PHF24: variants seen among roughly 807,000 people sequenced by gnomAD.
PHF24 encodes Galpha inhibitory interacting protein.
In PHF24, 25 loss-of-function variants were observed where a neutral mutation model predicts 42.6. That is an observed-to-expected ratio of 0.59 (90% CI 0.43 to 0.82). The LOEUF is 0.82. Ranked by LOEUF, PHF24 falls within the 40% of genes least tolerant of loss-of-function variation. The probability of loss-of-function intolerance (pLI) is 0.00; values close to 1 mark genes in which losing one functional copy is unlikely to be tolerated. For missense variants in PHF24, 470 were observed against 538.1 expected (o/e 0.87, Z 1.25); for synonymous variants, 185 against 204.8 (o/e 0.90, Z 0.83).
chr9:34,670,238 T>C, the PHF24 span, among the ~76,000 whole-genome samples: 34 of 152,366 alleles, frequency 2.2e-4, no homozygotes, highest in African/African-American at 8.2e-4. Context: ...TCCTGAGTTC[T>C]GTGAGTCACT....
chr9:34,685,565 C>T, the PHF24 span, among the ~76,000 whole-genome samples: 1 of 152,186 alleles, frequency 6.6e-6, no homozygotes, highest in Non-Finnish European at 1.5e-5. Context: ...ACTTCCCAGC[C>T]CCCAGCCCTC....
At chr9:34,853,630 CATCCCAGCT>C in the PHF24 span, among the ~76,000 whole-genome samples, 22 of 151,776 alleles carry the variant, frequency 1.4e-4, no homozygotes, top group African/African-American at 2.4e-4. Context: ...AGATCGAGAC[CATCCCAGCT>C]AAAACGGTGA....
the PHF24 span, among the ~76,000 whole-genome samples, chr9:34,903,995 T>C: frequency 1.3e-5 from 2 of 152,178 alleles, no homozygotes; most frequent in Admixed American, 6.6e-5. Flanking sequence ...TCACTGTTGG[T>C]GTATAGAAGC....
the PHF24 span, among the ~76,000 whole-genome samples, chr9:34,900,279 A>C: frequency 2.0e-5 from 3 of 152,138 alleles, no homozygotes; most frequent in African/African-American, 7.2e-5. Context: ...ACTCACCAAA[A>C]TTCCAAAGAC....
chr9:34,880,469 G>A, the PHF24 span, among the ~76,000 whole-genome samples: 1 of 152,084 alleles, frequency 6.6e-6, no homozygotes, highest in African/African-American at 2.4e-5. Flanking sequence ...CCCATCTCAT[G>A]TGCAGAGACA....
At chr9:34,754,135 C>A in the PHF24 span, among the ~76,000 whole-genome samples, 1 of 151,776 alleles carries the variant, frequency 6.6e-6, no homozygotes. Context: ...TACAGTCAAC[C>A]AAAGCAAAAA....
At chr9:34,955,815 G>A (rs530831868), upstream of PHF24, among the ~76,000 whole-genome samples, 5 of 152,102 alleles carry the variant, frequency 3.3e-5, no homozygotes, top group Non-Finnish European at 7.3e-5. Context: ...CTTATCTTGT[G>A]CATAATTCTG....
At chr9:34,743,987 A>T in the PHF24 span, among the ~76,000 whole-genome samples, 1,853 of 152,176 alleles carry the variant, frequency 0.012, 29 homozygotes, top group African/African-American at 0.042. Flanking sequence ...ACTTACTCTC[A>T]TGGTAACTAA....
chr9:34,748,370 G>T, the PHF24 span, among the ~76,000 whole-genome samples: 23 of 152,266 alleles, frequency 1.5e-4, no homozygotes, highest in African/African-American at 5.1e-4. Context: ...GATCATGGGG[G>T]CAGATTTCTC....
At chr9:34,903,301 A>G in the PHF24 span, among the ~76,000 whole-genome samples, 28 of 152,314 alleles carry the variant, frequency 1.8e-4, no homozygotes, top group South Asian at 5.6e-3. Flanking sequence ...GGACAGTAAT[A>G]AAATAAATTT....
At chr9:34,711,331 C>T in the PHF24 span, among the ~76,000 whole-genome samples, 4 of 149,962 alleles carry the variant, frequency 2.7e-5, no homozygotes, top group Admixed American at 1.3e-4. Flanking sequence ...ACAGCAGCCT[C>T]GACCTCCTGG....
the PHF24 span, among the ~76,000 whole-genome samples, chr9:34,676,873 C>A: frequency 1.6e-3 from 246 of 152,280 alleles, 1 homozygote; most frequent in African/African-American, 5.5e-3. Context: ...CATGAGAACT[C>A]ACTCATTTTC....
chr9:34,795,173 G>A, the PHF24 span, among the ~76,000 whole-genome samples: 1 of 152,094 alleles, frequency 6.6e-6, no homozygotes, highest in Non-Finnish European at 1.5e-5. Flanking sequence ...CACTTGAGGA[G>A]GTTGAGGCTG....
At chr9:34,746,356 G>A in the PHF24 span, among the ~76,000 whole-genome samples, 1 of 152,170 alleles carries the variant, frequency 6.6e-6, no homozygotes, top group Non-Finnish European at 1.5e-5. Flanking sequence ...ACTATAGTAA[G>A]AGAAAAGAAA....
chr9:34,848,634 T>C, the PHF24 span, among the ~76,000 whole-genome samples: 234 of 151,848 alleles, frequency 1.5e-3, no homozygotes, highest in African/African-American at 4.7e-3. Flanking sequence ...ATTTCTTGCC[T>C]TCTGCTAGCT....
At chr9:34,702,060 T>C in the PHF24 span, among the ~76,000 whole-genome samples, 1 of 152,084 alleles carries the variant, frequency 6.6e-6, no homozygotes, top group Non-Finnish European at 1.5e-5. Context: ...GGAAATATAT[T>C]AGGCGCGAGG....
the PHF24 span, among the ~76,000 whole-genome samples, chr9:34,713,198 A>G: frequency 6.6e-6 from 1 of 152,150 alleles, no homozygotes; most frequent in Non-Finnish European, 1.5e-5. Context: ...TGACCTGACA[A>G]AGGGTTCTCT....
chr9:34,740,911 G>A, the PHF24 span, among the ~76,000 whole-genome samples: 1 of 150,814 alleles, frequency 6.6e-6, no homozygotes, highest in African/African-American at 2.4e-5. Context: ...TGGTTATGGA[G>A]TTCCACTCTT....
the PHF24 span, among the ~76,000 whole-genome samples, chr9:34,919,059 A>G: frequency 6.6e-6 from 1 of 152,206 alleles, no homozygotes; most frequent in Non-Finnish European, 1.5e-5. Context: ...TCTTAAATTA[A>G]TAAATTTTAT....
Sources: allele counts gnomAD v4.1 joint callset (sites outside exome capture counted in the v4.1 genomes callset), GRCh38; gene constraint gnomAD v4.1.1; transcripts MANE v1.5; gene names NCBI Gene and HGNC (gene_info 2026-07-23, HGNC 2026-07-21).